NFIC: variants seen among roughly 807,000 people sequenced by gnomAD.
NFIC encodes nuclear factor 1 C-type.
NFIC carries 12 observed loss-of-function variants against 54.4 expected under a neutral mutation model. The observed-to-expected ratio is 0.22, with a 90% CI of 0.14 to 0.36. The LOEUF is 0.36. Among genes scored for constraint, NFIC ranks in the 10% least tolerant of loss-of-function variants. The pLI, the probability that NFIC is intolerant of heterozygous loss-of-function variation, is 1.00. For missense variants in NFIC, 575 were observed against 718.2 expected (o/e 0.80, Z 2.28); for synonymous variants, 322 against 319.2 (o/e 1.01, Z -0.09).
intron 7 of NFIC, among the ~76,000 whole-genome samples, chr19:3,450,663 A>C (rs2082448079): frequency 6.6e-6 from 1 of 152,186 alleles, no homozygotes; most frequent in South Asian, 2.1e-4. Flanking sequence ...TCAAAAAAAA[A>C]CAAAACAGAA....
chr19:3,395,997 G>C (rs955237883), intron 2 of NFIC, among the ~76,000 whole-genome samples: 2 of 152,128 alleles, frequency 1.3e-5, no homozygotes, highest in African/African-American at 2.4e-5. Flanking sequence ...GTCTCACTAT[G>C]TGGCCCATGC....
At chr19:3,443,835 C>T (rs555811323) in intron 6 of NFIC, among the ~76,000 whole-genome samples, 11 of 152,276 alleles carry the variant, frequency 7.2e-5, no homozygotes, top group South Asian at 2.1e-4. Flanking sequence ...GAGAATGATC[C>T]GGTCCCAAAT....
At chr19:3,362,799 C>G (rs977547409), upstream of NFIC, among the ~76,000 whole-genome samples, 2 of 151,962 alleles carry the variant, frequency 1.3e-5, no homozygotes, top group African/African-American at 2.4e-5. Context: ...TGAGCAGGTG[C>G]GGGGCTAGGG....
At chr19:3,447,430 T>A (rs2082389855) in intron 6 of NFIC, among the ~76,000 whole-genome samples, 1 of 152,194 alleles carries the variant, frequency 6.6e-6, no homozygotes, top group African/African-American at 2.4e-5. Flanking sequence ...CACTTCATTT[T>A]GAAGACAGGG....
chr19:3,388,801 C>T (rs2081336751), intron 2 of NFIC, among the ~76,000 whole-genome samples: 2 of 151,038 alleles, frequency 1.3e-5, no homozygotes, highest in Admixed American at 1.3e-4. Flanking sequence ...GCACTCCAGC[C>T]TGGGTGACAA....
At chr19:3,387,426 C>T (rs144092584) in intron 2 of NFIC, among the ~76,000 whole-genome samples, 1,542 of 152,086 alleles carry the variant, frequency 0.01, 61 homozygotes, top group Admixed American at 0.071. Flanking sequence ...CGCTGGAACC[C>T]GGGAGGTTGC....
At chr19:3,389,785 C>G (rs2081350927) in intron 2 of NFIC, among the ~76,000 whole-genome samples, 1 of 152,086 alleles carries the variant, frequency 6.6e-6, no homozygotes, top group African/African-American at 2.4e-5. Context: ...GAGTTCGAGA[C>G]CAGCCTGACC....
At chr19:3,412,045 G>A (rs1309606574) in intron 2 of NFIC, among the ~76,000 whole-genome samples, 1 of 152,170 alleles carries the variant, frequency 6.6e-6, no homozygotes, top group Non-Finnish European at 1.5e-5. Flanking sequence ...GCCTGTAATC[G>A]ACATCGTATA....
At chr19:3,360,612 C>G (rs2080798516) in intron 1 of NFIC, among the ~76,000 whole-genome samples, 1 of 152,200 alleles carries the variant, frequency 6.6e-6, no homozygotes, top group African/African-American at 2.4e-5. Flanking sequence ...CGCGTCGGCT[C>G]CGCCGCTTTC....
Position 3,449,006 on chromosome 19 carries a change from C to T in NFIC, c.959-8C>T. On this transcript the variant is annotated splice_region_variant and splice_polypyrimidine_tract_variant and intron_variant, in intron 6 of 10. Transcript: ENST00000443272. ...GCCTGTGACTCTCTCGTCCCATCCC[C>T]TCCACAGGCATCTCGTCCCCGGTGA... The T allele has an allele frequency of 6.2e-7, 1 of 1,611,722 alleles. No individual in the cohort carries two copies. Among genetic ancestry groups the T allele is most frequent in the African/African-American group, 1.3e-5 (1 of 74,990 alleles).
At chr19:3,416,504 G>A (rs2081856641) in intron 2 of NFIC, among the ~76,000 whole-genome samples, 1 of 150,504 alleles carries the variant, frequency 6.6e-6, no homozygotes, top group South Asian at 2.1e-4. Flanking sequence ...AACAACATAT[G>A]TCTGTACATT....
intron 2 of NFIC, among the ~76,000 whole-genome samples, chr19:3,407,687 G>A (rs1318823095): frequency 5.3e-5 from 8 of 151,790 alleles, no homozygotes. Context: ...GCTCGCCTTG[G>A]CCTCCCAAAG....
upstream of NFIC, among the ~76,000 whole-genome samples, chr19:3,366,245 CG>C (rs528904809): frequency 1.3e-3 from 192 of 148,478 alleles, no homozygotes; most frequent in African/African-American, 4.0e-3. Context: ...ACGGGAGGAG[CG>C]GGGGGGTCCT....
At chr19:3,422,948 G>A (rs11671602) in intron 2 of NFIC, among the ~76,000 whole-genome samples, 1 of 152,052 alleles carries the variant, frequency 6.6e-6, no homozygotes, top group Non-Finnish European at 1.5e-5. Context: ...TGGCATCCCA[G>A]CACTTTGGGA....
At chr19:3,389,330 C>A (rs1296767044) in intron 2 of NFIC, among the ~76,000 whole-genome samples, 1 of 152,098 alleles carries the variant, frequency 6.6e-6, no homozygotes, top group Non-Finnish European at 1.5e-5. Flanking sequence ...AAAAGTCCTG[C>A]CCTCTCTGGT....
chr19:3,401,911 G>A (rs868186724), intron 2 of NFIC, among the ~76,000 whole-genome samples: 1 of 151,824 alleles, frequency 6.6e-6, no homozygotes, highest in Non-Finnish European at 1.5e-5. Flanking sequence ...TAGTAGAGAC[G>A]GAGTTGCACC....
rs561339241 is a variant in NFIC at position 3,435,957 on chromosome 19, A to G, written c.958+750A>G. 7.8e-4 allele frequency among the ~76,000 whole-genome samples: 113 copies of G among 144,416 alleles called. 1 individual carries two copies. The highest frequency in any genetic ancestry group is 1.4e-3 in the Admixed American group (20 of 14,572). 94.7% of individuals were successfully genotyped at this position (144,416 alleles called of 152,430 possible). A position where few individuals can be genotyped will look rare whatever the true frequency, so the allele number is the denominator to read the frequency against. On this transcript the variant is annotated intron_variant, in intron 6 of 10. Transcript: ENST00000443272. ...TTGTCCTACCTCAGCCTCCCAAGTA[A>G]CTGGGATTACAGGCATGCACCACCA...
chr19:3,462,917 CAT>C lies in NFIC; in HGVS notation c.*150_*151del, dbSNP rs1395946025. The C allele has an allele frequency of 2.9e-5, 45 of 1,533,010 alleles. 1 individual carries two copies. The South Asian group carries it at 4.6e-4, about 16-fold the overall frequency. The allele number at this position is 1,533,010 out of a possible 1,614,324, so 95.0% of individuals were successfully genotyped here. A position where few individuals can be genotyped will look rare whatever the true frequency, so the allele number is the denominator to read the frequency against. On this transcript the variant is annotated 3_prime_UTR_variant, in exon 11 of 11. Transcript: ENST00000443272. The stretch of plus-strand genomic sequence containing the variant: ...CCAGCCCGGCCAAAAAGACAAAACA[CAT>C]AGACGCACACACTCAGGAGGAAAAG...
chr19:3,435,133 C>A lies in NFIC; in HGVS notation c.884C>A (p.Pro295His). Reference sequence around the variant, plus strand: ...ATGGAGGAAGACGTGGACACGAGCCCTGGCGGCGATTACTACACTTCGCCC... The same window carrying A: ...ATGGAGGAAGACGTGGACACGAGCCATGGCGGCGATTACTACACTTCGCCC... Reference protein sequence around the residue: ...GSMEEDVDTSPGGDYYTSPSS... With the variant: ...GSMEEDVDTSHGGDYYTSPSS... Residue 295 changes from proline (P) to histidine (H), a missense_variant, in exon 6 of 11, where the codon CCT becomes CAT. By Grantham distance (77) the Pro-to-His change is moderately conservative (BLOSUM62 -2). Around this residue, in one of 3 missense-constraint regions of NFIC, gnomAD observed 447 missense variants for 526.9 expected, o/e 0.85. Transcript: ENST00000443272. 3 of 1,606,274 alleles carry A rather than the reference C, an allele frequency of 1.9e-6. No individual in the cohort carries two copies. The highest frequency in any genetic ancestry group is 2.5e-6 in the Non-Finnish European group (3 of 1,176,978).
Sources: gnomAD v4.1 joint callset for allele counts (sites outside exome capture counted in the v4.1 genomes callset) on GRCh38, gnomAD v4.1.1 for gene constraint, gnomAD v4.1.1 regional missense constraint, MANE v1.5 for transcripts, NCBI Gene and HGNC (gene_info 2026-07-23, HGNC 2026-07-21) for gene names.